Variants in POC1B observed in about 807,000 individuals in gnomAD.
POC1B encodes POC1 centriolar protein B, also known as POC1 centriolar protein homolog B.
In POC1B, 44 loss-of-function variants were observed where a neutral mutation model predicts 60.6. That is an observed-to-expected ratio of 0.73 (90% CI 0.57 to 0.93). POC1B has a LOEUF of 0.93. POC1B is among the 40% of genes least tolerant of loss of function. The probability of loss-of-function intolerance (pLI) is 0.00; values close to 1 mark genes in which losing one functional copy is unlikely to be tolerated. For missense variants in POC1B, 555 were observed against 572.3 expected, an observed-to-expected ratio of 0.97 and a Z score of 0.31; for synonymous variants, 180 against 198.9, an observed-to-expected ratio of 0.90 and a Z score of 0.80.
intron 1 of POC1B, chr12:89,525,505 G>C: frequency 7.6e-7 from 1 of 1,313,888 alleles, no homozygotes; most frequent in Non-Finnish European, 9.6e-7. Flanking sequence ...GGCCCCGCCC[G>C]CTGGCCCAAG....
At chr12:89,515,236 C>G (rs575420232) in intron 2 of POC1B, among the ~76,000 whole-genome samples, 4 of 152,230 alleles carry the variant, frequency 2.6e-5, no homozygotes, top group Admixed American at 1.3e-4. Context: ...ACAGAAATCT[C>G]TAATTGGGGA....
rs145722569 is a variant in POC1B at position 89,423,851 on chromosome 12, A to C, written c.1332+1310T>G. Reference sequence around the variant, plus strand: ...GGAGGAGAAATAGGTCATGAAACTGAAAGAACAGGGAATGGAAGGATTCAC... The same window carrying C: ...GGAGGAGAAATAGGTCATGAAACTGCAAGAACAGGGAATGGAAGGATTCAC... On this transcript the variant is annotated intron_variant, in intron 11 of 11. Coordinates refer to ENST00000313546, the MANE Select transcript of POC1B (RefSeq NM_172240.3). Among the ~76,000 whole-genome samples the C allele has an allele frequency of 4.6e-5, 7 of 152,344 alleles. No homozygotes were observed. In the East Asian group the frequency reaches 1.3e-3, roughly 29 times the overall value.
intron 10 of POC1B, among the ~76,000 whole-genome samples, chr12:89,431,698 T>A (rs764351630): frequency 6.6e-6 from 1 of 152,248 alleles, no homozygotes; most frequent in Non-Finnish European, 1.5e-5. Flanking sequence ...TTAGCACCTA[T>A]GTGCCAGGCA....
intron 2 of POC1B, among the ~76,000 whole-genome samples, chr12:89,503,625 G>C (rs915268605): frequency 1.3e-5 from 2 of 151,096 alleles, no homozygotes; most frequent in African/African-American, 2.4e-5. Context: ...CATCGTCTGA[G>C]ATGTGGGGAG....
Position 89,420,524 on chromosome 12 carries a change from G to A in POC1B, c.*629C>T, listed in dbSNP as rs1414898085. The A allele has an allele frequency of 6.6e-6, 1 of 152,066 alleles. No individual in the cohort carries two copies. The highest frequency in any genetic ancestry group is 1.5e-5 in the Non-Finnish European group (1 of 68,002). 9.4% of individuals were successfully genotyped at this position (152,066 alleles called of 1,614,324 possible). On this transcript the variant is annotated 3_prime_UTR_variant, in exon 12 of 12. Coordinates refer to ENST00000313546, the MANE Select transcript of POC1B (RefSeq NM_172240.3). Reference sequence around the variant, plus strand: ...GTTGGCCAATGGATAAACAAAGTACGCCATAAATTAACTAAAAAACCCACT... The same window carrying A: ...GTTGGCCAATGGATAAACAAAGTACACCATAAATTAACTAAAAAACCCACT...
At chr12:89,405,988 GTTTTTTT>G in the POC1B span, among the ~76,000 whole-genome samples, 51 of 122,378 alleles carry the variant, frequency 4.2e-4, no homozygotes, top group Non-Finnish European at 7.9e-4. Flanking sequence ...AGTTTTGAGT[GTTTTTTT>G]TTTTTTTTTG....
At chr12:89,425,514 T>C (rs975499598) in intron 10 of POC1B, 135 bp from the exon 11 acceptor site, 10 of 574,642 alleles carry the variant, frequency 1.7e-5, no homozygotes, top group Non-Finnish European at 2.6e-5. Flanking sequence ...TAATAAGTTA[T>C]GGAAATTACT....
At chr12:89,505,816 G>C (rs959648571) in intron 2 of POC1B, among the ~76,000 whole-genome samples, 1 of 152,206 alleles carries the variant, frequency 6.6e-6, no homozygotes, top group Non-Finnish European at 1.5e-5. Flanking sequence ...GATCTATTAG[G>C]AGGCTACTGC....
intron 2 of POC1B, among the ~76,000 whole-genome samples, chr12:89,506,172 G>C (rs942380995): frequency 2.0e-5 from 3 of 152,224 alleles, no homozygotes; most frequent in African/African-American, 4.8e-5. Context: ...TGTACAGTGT[G>C]GTGGTTAAAA....
At chr12:89,468,633 AC>A (rs1450486900) in intron 7 of POC1B, among the ~76,000 whole-genome samples, 4 of 151,288 alleles carry the variant, frequency 2.6e-5, no homozygotes, top group African/African-American at 9.8e-5. Flanking sequence ...ATTATTTTGT[AC>A]TTTTTTCATG....
downstream of POC1B, among the ~76,000 whole-genome samples, chr12:89,416,304 G>A (rs1283157394): frequency 1.3e-5 from 2 of 152,118 alleles, no homozygotes; most frequent in African/African-American, 2.4e-5. Flanking sequence ...GGATGAATAG[G>A]GGTTTTCCAG....
At chr12:89,499,213 T>C (rs566815106) in intron 2 of POC1B, among the ~76,000 whole-genome samples, 12 of 152,220 alleles carry the variant, frequency 7.9e-5, no homozygotes, top group African/African-American at 2.6e-4. Flanking sequence ...TCTTCTAAAG[T>C]GCAATGTGCC....
chr12:89,526,004 G>A lies in POC1B; in HGVS notation c.-109C>T, dbSNP rs1254222724. On this transcript the variant is annotated 5_prime_UTR_variant, in exon 1 of 12. Coordinates refer to ENST00000313546, the MANE Select transcript of POC1B (RefSeq NM_172240.3). Reference sequence around the variant, plus strand: ...TGCGGCTCCCGGAACCGTCTGCCCAGAGCGGCAGCGCCTCCCGGTCACTAC... The same window carrying A: ...TGCGGCTCCCGGAACCGTCTGCCCAAAGCGGCAGCGCCTCCCGGTCACTAC... 1 of 1,540,872 alleles carries A rather than the reference G, an allele frequency of 6.5e-7. No individual in the cohort carries two copies. The highest frequency in any genetic ancestry group is 1.4e-5 in the African/African-American group (1 of 72,948).
At chr12:89,505,962 A>T (rs1869875922) in intron 2 of POC1B, among the ~76,000 whole-genome samples, 1 of 152,156 alleles carries the variant, frequency 6.6e-6, no homozygotes, top group Non-Finnish European at 1.5e-5. Context: ...AGAAAAAGAG[A>T]AGATGCTAGA....
At chr12:89,406,631 T>G in the POC1B span, among the ~76,000 whole-genome samples, 1 of 151,942 alleles carries the variant, frequency 6.6e-6, no homozygotes, top group African/African-American at 2.4e-5. Flanking sequence ...TTAGGTCTCC[T>G]ATTCCCGGGT....
At chr12:89,411,041 T>C in the POC1B span, among the ~76,000 whole-genome samples, 1 of 152,076 alleles carries the variant, frequency 6.6e-6, no homozygotes, top group Non-Finnish European at 1.5e-5. Context: ...GATAATTGAA[T>C]ACCTAGGAAT....
At chr12:89,464,815 AAAAG>A (rs1391544694) in intron 9 of POC1B, among the ~76,000 whole-genome samples, 24 of 151,956 alleles carry the variant, frequency 1.6e-4, no homozygotes, top group Non-Finnish European at 3.1e-4. Context: ...AAAAAAAAAA[AAAAG>A]AAACAATTAC....
At chr12:89,523,725 A>G in intron 2 of POC1B, 1 of 1,548,948 alleles carries the variant, frequency 6.5e-7, no homozygotes, top group Non-Finnish European at 8.7e-7. Flanking sequence ...CAAACCCACC[A>G]ATCATGGGCT....
At chr12:89,422,086 C>G (rs893051039) in intron 11 of POC1B, among the ~76,000 whole-genome samples, 2 of 151,374 alleles carry the variant, frequency 1.3e-5, no homozygotes, top group Non-Finnish European at 2.9e-5. Flanking sequence ...ATAGATTATT[C>G]AGGAACCCAC....
Sources: allele counts gnomAD v4.1 joint callset (sites outside exome capture counted in the v4.1 genomes callset), GRCh38; gene constraint gnomAD v4.1.1; transcripts MANE v1.5; gene names NCBI Gene and HGNC (gene_info 2026-07-23, HGNC 2026-07-21).